Variants in COL5A1 observed in about 807,000 individuals in gnomAD.
COL5A1 encodes collagen alpha-1(V) chain.
A neutral mutation model predicts 263.7 loss-of-function variants in COL5A1; 16 were observed. That is an observed-to-expected ratio of 0.06 (90% CI 0.04 to 0.09). The LOEUF is 0.09. COL5A1 is among the 10% of genes least tolerant of loss of function. The probability of loss-of-function intolerance (pLI) is 1.00; values close to 1 mark genes in which losing one functional copy is unlikely to be tolerated. For missense variants in COL5A1, 2,036 were observed against 2,540.5 expected, an observed-to-expected ratio of 0.80 and a Z score of 4.27; for synonymous variants, 1,012 against 1,004.5, an observed-to-expected ratio of 1.01 and a Z score of -0.14.
At chr9:134,834,894 C>T in intron 64 of COL5A1, 77 bp from the exon 65 acceptor site, 2 of 1,038,396 alleles carry the variant, frequency 1.9e-6, no homozygotes, top group Admixed American at 2.0e-5. Context: ...GAGTGAAGCC[C>T]AGGGCAGTGC....
chr9:134,779,968 A>G lies in COL5A1; in HGVS notation c.2386-134A>G, dbSNP rs34589987. 130,624 of 922,888 alleles carry G rather than the reference A, an allele frequency of 0.14. 10,588 individuals carry two copies. The highest frequency in any genetic ancestry group is 0.3 in the African/African-American group (18,605 of 61,898). The allele number at this position is 922,888 out of a possible 1,614,324, so 57.2% of individuals were successfully genotyped here. A position where few individuals can be genotyped will look rare whatever the true frequency, so the allele number is the denominator to read the frequency against. On this transcript the variant is annotated intron_variant, in intron 27 of 65. Coordinates refer to ENST00000371817, the MANE Select transcript of COL5A1 (RefSeq NM_000093.5). The stretch of plus-strand genomic sequence containing the variant: ...GGCCACAGGGGGACATATGGGAGGA[A>G]GTGTGTTGAGGGCAGGGCGCTGGCC...
rs187939594 is a variant in COL5A1 at position 134,758,744 on chromosome 9, G to A, written c.1935+448G>A. The stretch of plus-strand genomic sequence containing the variant: ...AGTGGCCATGTGGAGACCAGGTCAC[G>A]AAAACATGCCAGGTGTCCCCCTGTT... On this transcript the variant is annotated intron_variant, in intron 18 of 65. Transcript: ENST00000371817. The surrounding 1 kb of genome is among the most constrained non-coding windows in gnomAD (Gnocchi z 4.1). Among the ~76,000 whole-genome samples, 84 of 152,288 alleles carry A rather than the reference G, an allele frequency of 5.5e-4. No individual in the cohort carries two copies. Among genetic ancestry groups the A allele is most frequent in the African/African-American group, 1.6e-3 (68 of 41,550 alleles).
At chr9:134,665,024 C>A (rs1397207621) in intron 1 of COL5A1, among the ~76,000 whole-genome samples, 1 of 152,198 alleles carries the variant, frequency 6.6e-6, no homozygotes, top group Non-Finnish European at 1.5e-5. Context: ...CATGGTGGAA[C>A]CCTGTCTCTG....
At chr9:134,663,853 C>G (rs1351326891) in intron 1 of COL5A1, among the ~76,000 whole-genome samples, 1 of 152,180 alleles carries the variant, frequency 6.6e-6, no homozygotes, top group African/African-American at 2.4e-5. Flanking sequence ...TGGGGTGGCT[C>G]CCCCTTTTTG....
Position 134,776,277 on chromosome 9 carries a change from T to C in COL5A1, c.2385+1365T>C, listed in dbSNP as rs542822454. Among the ~76,000 whole-genome samples the C allele has an allele frequency of 2.6e-5, 4 of 152,348 alleles. No homozygotes were observed. The East Asian group carries it at 7.7e-4, about 29-fold the overall frequency. On this transcript the variant is annotated intron_variant, in intron 27 of 65. Coordinates refer to ENST00000371817, the MANE Select transcript of COL5A1 (RefSeq NM_000093.5). ...TGCTGATTATGTGAGTTCTATAGCATGTTTATTTTACAAATTCCTGTCGCA... is the reference window on the plus strand; with the variant it reads ...TGCTGATTATGTGAGTTCTATAGCACGTTTATTTTACAAATTCCTGTCGCA...
chr9:134,780,742 C>T (rs945142274), intron 28 of COL5A1, among the ~76,000 whole-genome samples: 5 of 152,226 alleles, frequency 3.3e-5, no homozygotes, highest in East Asian at 1.9e-4. Flanking sequence ...CAGCCTGCAG[C>T]GGCGACAGCC....
intron 9 of COL5A1, among the ~76,000 whole-genome samples, chr9:134,735,427 G>A (rs780145390): frequency 6.6e-6 from 1 of 150,540 alleles, no homozygotes; most frequent in Non-Finnish European, 1.5e-5. Flanking sequence ...TTTTCCTCTC[G>A]TTCCTCTTTC....
chr9:134,696,829 G>A lies in COL5A1; in HGVS notation c.278-3080G>A, dbSNP rs1311582439. Among the ~76,000 whole-genome samples the A allele has an allele frequency of 6.6e-6, 1 of 152,156 alleles. No individual in the cohort carries two copies. The highest frequency in any genetic ancestry group is 2.4e-5 in the African/African-American group (1 of 41,444). ...CTCACACCTGTAATCCCAGCACTTT[G>A]GGAGGCCAAGGCAGGCGGATCACGA... is the stretch of plus-strand genomic sequence containing the variant. On this transcript the variant is annotated intron_variant, in intron 2 of 65. Coordinates refer to ENST00000371817, the MANE Select transcript of COL5A1 (RefSeq NM_000093.5). The surrounding 1 kb of genome is among the most constrained non-coding windows in gnomAD (Gnocchi z 4.3).
intron 18 of COL5A1, among the ~76,000 whole-genome samples, chr9:134,759,762 CACG>C (rs1487032267): frequency 8.1e-4 from 102 of 126,512 alleles, no homozygotes; most frequent in East Asian, 1.5e-3. Context: ...CACACACACC[CACG>C]CACCCCCACA....
At chr9:134,736,191 T>C (rs1835092818) in intron 9 of COL5A1, among the ~76,000 whole-genome samples, 1 of 114,780 alleles carries the variant, frequency 8.7e-6, no homozygotes, top group African/African-American at 4.5e-5. Context: ...ACCTTTGACT[T>C]GTCAGAAGTG....
In COL5A1 at chr9:134,841,865, G is replaced by A. The variant is rs1376535838; in HGVS notation, c.5371-292G>A. On this transcript the variant is annotated intron_variant, in intron 65 of 65. Coordinates refer to ENST00000371817, the MANE Select transcript of COL5A1 (RefSeq NM_000093.5). The surrounding 1 kb of genome is among the most constrained non-coding windows in gnomAD (Gnocchi z 4.8). ...GGGAAGGCTGATCAGCTTCAATCCT[G>A]TGTGTGCCTCAGCCACCCCTGAAGC... 6.6e-6 allele frequency among the ~76,000 whole-genome samples: 1 copy of A among 152,110 alleles called. No individual in the cohort carries two copies. Among genetic ancestry groups the A allele is most frequent in the Non-Finnish European group, 1.5e-5 (1 of 68,016 alleles).
rs141897716 is a variant in COL5A1 at position 134,725,121 on chromosome 9, C to A, written c.655-2145C>A. On this transcript the variant is annotated intron_variant, in intron 4 of 65. Transcript: ENST00000371817. Reference sequence around the variant, plus strand: ...CTGGTGGCGGGACCGGAGACGCCACCGTCTCCAGGACCGGAGCACCTGGAC... The same window carrying A: ...CTGGTGGCGGGACCGGAGACGCCACAGTCTCCAGGACCGGAGCACCTGGAC... 2.0e-5 allele frequency among the ~76,000 whole-genome samples: 3 copies of A among 152,288 alleles called. No individual in the cohort carries two copies. In the East Asian group the frequency reaches 5.8e-4, roughly 30 times the overall value.
chr9:134,751,748 C>T (rs1222913536), intron 13 of COL5A1, among the ~76,000 whole-genome samples: 2 of 152,170 alleles, frequency 1.3e-5, no homozygotes, highest in Non-Finnish European at 2.9e-5. Flanking sequence ...ATGCAGCTCC[C>T]ACAGCAGCCA....
chr9:134,749,129 G>A (rs1361401198), intron 11 of COL5A1, among the ~76,000 whole-genome samples: 2 of 152,146 alleles, frequency 1.3e-5, no homozygotes, highest in African/African-American at 2.4e-5. Flanking sequence ...CCAGCTACTC[G>A]GGAGGCTGAG....
At chr9:134,738,896 C>A in intron 11 of COL5A1, 88 bp downstream of exon 11, 2 of 1,099,306 alleles carry the variant, frequency 1.8e-6, no homozygotes, top group Non-Finnish European at 1.4e-6. Context: ...GCTGTCCCTG[C>A]CTGTGGAGGT....
intron 37 of COL5A1, among the ~76,000 whole-genome samples, chr9:134,799,025 T>A (rs1838017625): frequency 6.6e-6 from 1 of 152,196 alleles, no homozygotes; most frequent in African/African-American, 2.4e-5. Flanking sequence ...ATGCCTGCAA[T>A]GTCCCTTTTT....
chr9:134,793,383 C>T (rs1564462785), intron 32 of COL5A1, among the ~76,000 whole-genome samples: 1 of 112,504 alleles, frequency 8.9e-6, no homozygotes, highest in African/African-American at 3.6e-5. Flanking sequence ...GCTAAGGAGG[C>T]TGGGGGGGGC....
In COL5A1 at chr9:134,826,633, A is replaced by C. The variant is rs1008408462; in HGVS notation, c.5067+729A>C. On this transcript the variant is annotated intron_variant, in intron 63 of 65. Coordinates refer to ENST00000371817, the MANE Select transcript of COL5A1 (RefSeq NM_000093.5). ...TGGTGTGTGTGTAGATGGCATGTGG[A>C]TGATGTGTGGGTGCATGTGGCTGGT... 8.5e-5 allele frequency among the ~76,000 whole-genome samples: 9 copies of C among 105,490 alleles called. No individual in the cohort carries two copies. In the South Asian group the frequency reaches 1.0e-3, roughly 12 times the overall value. The allele number at this position is 105,490 out of a possible 152,430, so 69.2% of individuals were successfully genotyped here.
rs370565229 is a variant in COL5A1 at position 134,754,293 on chromosome 9, C to T, written c.1794C>T (p.Gly598=). 6.2e-7 allele frequency: 1 copy of T among 1,614,018 alleles called. No homozygotes were observed. Among genetic ancestry groups the T allele is most frequent in the Non-Finnish European group, 8.5e-7 (1 of 1,180,052 alleles). Residue 598 remains glycine, a synonymous_variant, in exon 16 of 66, where the codon GGC becomes GGT. Coordinates refer to ENST00000371817, the MANE Select transcript of COL5A1 (RefSeq NM_000093.5). This position sits in a 1 kb window ranked among gnomAD's most constrained non-coding sequence, Gnocchi z 4.3. ...GGCAGGGTCCTCGAGGTGTGCAAGG[C>T]CCGCCTGGTCCGGCCGGGAAGCCCG... ...VGPQGPRGVQ[G]PPGPAGKPGR...
Sources: allele counts gnomAD v4.1 joint callset (sites outside exome capture counted in the v4.1 genomes callset), GRCh38; gene constraint gnomAD v4.1.1; non-coding constraint Gnocchi (gnomAD v3.1); transcripts MANE v1.5; gene names NCBI Gene and HGNC (gene_info 2026-07-23, HGNC 2026-07-21).